BNIP1: variants seen among roughly 807,000 people sequenced by gnomAD.
BNIP1 encodes vesicle transport protein SEC20.
Under a neutral mutation model 28.5 loss-of-function variants are expected in BNIP1, and 25 were observed. That is an observed-to-expected ratio of 0.88 (90% CI 0.64 to 1.23). BNIP1 has a LOEUF of 1.23. Among genes scored for constraint, BNIP1 ranks in the 50% most tolerant of loss-of-function variants. The pLI is 0.00. For synonymous variants in BNIP1, 118 were observed against 101.7 expected (o/e 1.16, Z -0.96); for missense variants, 276 against 277.0 (o/e 1.00, Z 0.02).
intron 5 of BNIP1, among the ~76,000 whole-genome samples, chr5:173,162,475 GA>G (rs947489835): frequency 3.9e-5 from 6 of 151,916 alleles, no homozygotes; most frequent in Admixed American, 1.3e-4. Context: ...AATACAAAAA[GA>G]AAATTAGCTG....
intron 1 of BNIP1, among the ~76,000 whole-genome samples, chr5:173,146,392 A>G (rs1759836780): frequency 6.6e-6 from 1 of 152,256 alleles, no homozygotes; most frequent in African/African-American, 2.4e-5. Context: ...ACATGTCTAT[A>G]TAAACACTCT....
Position 173,163,762 on chromosome 5 carries a change from A to G in BNIP1, c.528A>G (p.Glu176=), listed in dbSNP as rs910067581. Residue 176 remains glutamate, a synonymous_variant, in exon 6 of 6, where the codon GAA becomes GAG. Transcript: ENST00000351486. ...SSRTILDANE[E]FKSMSGTIQL... is the part of the protein sequence containing the mutation. ...GAACGATCCTGGATGCAAATGAAGA[A>G]TTTAAGTCCATGTCGGGCACCATCC... 5 of 1,611,634 alleles carry G rather than the reference A, an allele frequency of 3.1e-6. No homozygotes were observed. In the African/African-American group the frequency reaches 6.7e-5, roughly 22 times the overall value.
At chr5:173,150,629 A>G (rs564950054) in intron 2 of BNIP1, among the ~76,000 whole-genome samples, 13 of 152,304 alleles carry the variant, frequency 8.5e-5, no homozygotes, top group African/African-American at 2.9e-4. Context: ...AAGTATCAAC[A>G]TTCAGTGAAA....
chr5:173,151,116 TGA>T, intron 2 of BNIP1, among the ~76,000 whole-genome samples: 1 of 152,046 alleles, frequency 6.6e-6, no homozygotes, highest in African/African-American at 2.4e-5. Context: ...ATTACAGGCG[TGA>T]GCCACCGCGC....
At chr5:173,159,821 A>C (rs1760309304) in intron 4 of BNIP1, 112 bp from the exon 5 acceptor site, 1 of 901,306 alleles carries the variant, frequency 1.1e-6, no homozygotes, top group Admixed American at 2.1e-5. Flanking sequence ...ATCATTTAAA[A>C]TATGTATACT....
rs368441682 is a variant in BNIP1 at position 173,146,957 on chromosome 5, A to G, written c.176A>G (p.Gln59Arg). ...TTTCAACAGTTGCGTCACAGAATAC[A>G]GGTGGGTATTCTCAATTCAGTCAAT... is the stretch of plus-strand genomic sequence containing the variant. ...EKFQQLRHRI[Q>R]DLEQLAKEQD... The change falls in exon 2 of 6, where the codon CAG becomes CGG. Residue 59 changes from glutamine (Q) to arginine (R), a missense_variant and splice_region_variant. Physicochemically the swap from Gln to Arg is conservative, Grantham distance 43 (BLOSUM62 1). Coordinates refer to ENST00000351486, the MANE Select transcript of BNIP1 (RefSeq NM_001205.3). 3.0e-5 allele frequency: 49 copies of G among 1,608,476 alleles called. No individual in the cohort carries two copies. Among genetic ancestry groups the G allele is most frequent in the Non-Finnish European group, 3.5e-5 (41 of 1,175,032 alleles).
Position 173,158,724 on chromosome 5 carries a change from C to T in BNIP1, c.270-20C>T, listed in dbSNP as rs201405079. 1.7e-4 allele frequency: 269 copies of T among 1,598,522 alleles called. No individual in the cohort carries two copies. In the Admixed American group the frequency reaches 3.2e-3, roughly 19 times the overall value. On this transcript the variant is annotated intron_variant, in intron 3 of 5. Transcript: ENST00000351486. ...GCTTGGTGGAGTGGACACACTCACA[C>T]GTGAACCTTCCAATTCCAGCAATCA...
intron 1 of BNIP1, among the ~76,000 whole-genome samples, chr5:173,145,298 G>T (rs887069462): frequency 1.3e-5 from 2 of 152,258 alleles, no homozygotes; most frequent in African/African-American, 4.8e-5. Context: ...CCATTTAAGG[G>T]TAGAGGTAAA....
Position 173,163,993 on chromosome 5 carries a change from C to T in BNIP1, c.*72C>T. 2.1e-6 allele frequency: 3 copies of T among 1,428,786 alleles called. No homozygotes were observed. Among genetic ancestry groups the T allele is most frequent in the Non-Finnish European group, 2.8e-6 (3 of 1,068,072 alleles). The allele number at this position is 1,428,786 out of a possible 1,614,324, so 88.5% of individuals were successfully genotyped here. ...TCTGTCCTGGTTCCTGAGCTCTAGGCTGCTAAGCTGAGCCACACACCCCTC... is the reference window on the plus strand; with the variant it reads ...TCTGTCCTGGTTCCTGAGCTCTAGGTTGCTAAGCTGAGCCACACACCCCTC... On this transcript the variant is annotated 3_prime_UTR_variant, in exon 6 of 6. Coordinates refer to ENST00000351486, the MANE Select transcript of BNIP1 (RefSeq NM_001205.3).
intron 2 of BNIP1, chr5:173,151,709 G>A: frequency 6.2e-7 from 1 of 1,611,522 alleles, no homozygotes; most frequent in African/African-American, 1.3e-5. Context: ...GTATTTGTAT[G>A]TTCTTTTTAA....
chr5:173,150,838 G>T (rs1336211523), intron 2 of BNIP1, among the ~76,000 whole-genome samples: 4 of 149,488 alleles, frequency 2.7e-5, no homozygotes, highest in African/African-American at 7.5e-5. Context: ...TTATACTTTT[G>T]TTTTTTTGTT....
At chr5:173,151,769 C>T in intron 2 of BNIP1, 2 of 1,593,914 alleles carry the variant, frequency 1.3e-6, no homozygotes, top group Non-Finnish European at 1.7e-6. Context: ...TTAAAATGAC[C>T]TCACCAATAC....
In BNIP1 at chr5:173,163,521, C is replaced by G. The variant is rs571701240; in HGVS notation, c.491-204C>G. Reference sequence around the variant, plus strand: ...CATGTTCAAGGACTCCCAGACAAACCCCCCCTCACTCTCTGGAGCTGATGG... The same window carrying G: ...CATGTTCAAGGACTCCCAGACAAACGCCCCCTCACTCTCTGGAGCTGATGG... On this transcript the variant is annotated intron_variant, in intron 5 of 5. Coordinates refer to ENST00000351486, the MANE Select transcript of BNIP1 (RefSeq NM_001205.3). Among the ~76,000 whole-genome samples, 4 of 152,276 alleles carry G rather than the reference C, an allele frequency of 2.6e-5. No individual in the cohort carries two copies. The East Asian group carries it at 7.7e-4, about 29-fold the overall frequency.
intron 1 of BNIP1, 25 bp downstream of exon 1, chr5:173,144,654 G>A (rs754546947): frequency 4.3e-6 from 7 of 1,612,378 alleles, no homozygotes; most frequent in Admixed American, 1.7e-5. Flanking sequence ...ACCCCTGCCG[G>A]GCTCCAGCAG....
Position 173,144,575 on chromosome 5 carries a change from G to A in BNIP1, c.30G>A (p.Arg10=). The A allele has an allele frequency of 6.2e-7, 1 of 1,614,180 alleles. No individual in the cohort carries two copies. The highest frequency in any genetic ancestry group is 8.5e-7 in the Non-Finnish European group (1 of 1,180,004). The change falls in exon 1 of 6, where the codon CGG becomes CGA. Residue 10 remains arginine (R), a synonymous_variant. Coordinates refer to ENST00000351486, the MANE Select transcript of BNIP1 (RefSeq NM_001205.3). MAAPQDVHV[R]ICNQEIVKFD... ...CGGCTCCCCAAGACGTCCACGTCCGGATCTGTAACCAAGAGATTGTCAAAT... is the reference window on the plus strand; with the variant it reads ...CGGCTCCCCAAGACGTCCACGTCCGAATCTGTAACCAAGAGATTGTCAAAT...
chr5:173,153,245 T>G (rs1428753943), intron 2 of BNIP1, among the ~76,000 whole-genome samples: 1 of 151,940 alleles, frequency 6.6e-6, no homozygotes, highest in Non-Finnish European at 1.5e-5. Flanking sequence ...TTTTTTTTTT[T>G]TTGAGACAGT....
In BNIP1 at chr5:173,163,830, T is replaced by G. The variant is rs551818830; in HGVS notation, c.596T>G (p.Leu199Arg). The G allele has an allele frequency of 6.2e-7, 1 of 1,614,040 alleles. No individual in the cohort carries two copies. The highest frequency in any genetic ancestry group is 1.7e-4 in the Middle Eastern group (1 of 6,060). ...ATCACAAAATACAATCGCCGGGAGC[T>G]GACGGACAAGCTTCTCATCTTCCTT... Reference protein sequence around the residue: ...KLITKYNRRELTDKLLIFLAL... With the variant: ...KLITKYNRRERTDKLLIFLAL... Residue 199 changes from leucine to arginine, a missense_variant, in exon 6 of 6, where the codon CTG becomes CGG. Leu to Arg is a moderately radical substitution (Grantham distance 102, BLOSUM62 -2). Coordinates refer to ENST00000351486, the MANE Select transcript of BNIP1 (RefSeq NM_001205.3).
rs764097933 is a variant in BNIP1, at chr5:173,163,777, G to C, written c.543G>C (p.Ser181=). ...CAAATGAAGAATTTAAGTCCATGTC[G>C]GGCACCATCCAGCTGGGCCGGAAGC... is the stretch of plus-strand genomic sequence containing the variant. The part of the protein sequence containing the change: ...LDANEEFKSM[S]GTIQLGRKLI... The change falls in exon 6 of 6, where the codon TCG becomes TCC. Residue 181 remains serine (S), a synonymous_variant. Transcript: ENST00000351486. 1.2e-6 allele frequency: 2 copies of C among 1,612,756 alleles called. 1 individual carries two copies. The highest frequency in any genetic ancestry group is 2.2e-5 in the South Asian group (2 of 90,794).
Position 173,164,061 on chromosome 5 carries a change from C to A in BNIP1, c.*140C>A. ...TGCAGGTTGGATGGAACACAGTGCC[C>A]CACTTTTCTGCAAGTAGCTGGCTTG... On this transcript the variant is annotated 3_prime_UTR_variant, in exon 6 of 6. Transcript: ENST00000351486. The surrounding 1 kb of genome is among the most constrained non-coding windows in gnomAD (Gnocchi z 4.0). 1 of 826,728 alleles carries A rather than the reference C, an allele frequency of 1.2e-6. No individual in the cohort carries two copies. The highest frequency in any genetic ancestry group is 1.8e-6 in the Non-Finnish European group (1 of 558,388). The allele number at this position is 826,728 out of a possible 1,614,324, so 51.2% of individuals were successfully genotyped here.
Sources: gnomAD v4.1 joint callset for allele counts (sites outside exome capture counted in the v4.1 genomes callset) on GRCh38, gnomAD v4.1.1 for gene constraint, Gnocchi (gnomAD v3.1) non-coding constraint, MANE v1.5 for transcripts, NCBI Gene and HGNC (gene_info 2026-07-23, HGNC 2026-07-21) for gene names.